Variants in AFAP1 observed in about 807,000 individuals in gnomAD.
AFAP1 encodes actin filament-associated protein 1.
AFAP1 carries 75 observed loss-of-function variants against 93.9 expected under a neutral mutation model. That is an observed-to-expected ratio of 0.80 (90% CI 0.66 to 0.97). The LOEUF is 0.97. Among genes scored for constraint, AFAP1 ranks in the 50% least tolerant of loss-of-function variants. The probability of loss-of-function intolerance (pLI) is 0.00; values close to 1 mark genes in which losing one functional copy is unlikely to be tolerated. For synonymous variants in AFAP1, 517 were observed against 430.7 expected (o/e 1.20, Z -2.48); for missense variants, 1,201 against 1,050.8 (o/e 1.14, Z -1.98).
chr4:7,846,764 T>A (rs1239502917), intron 4 of AFAP1, among the ~76,000 whole-genome samples: 1 of 152,168 alleles, frequency 6.6e-6, no homozygotes, highest in African/African-American at 2.4e-5. Context: ...CAAAGGTTTC[T>A]CACATCCACC....
At chr4:7,853,990 G>A (rs539562747) in intron 4 of AFAP1, among the ~76,000 whole-genome samples, 1 of 152,280 alleles carries the variant, frequency 6.6e-6, no homozygotes, top group African/African-American at 2.4e-5. Context: ...CAGCTCCTCA[G>A]AATAAAAATG....
intron 15 of AFAP1, 104 bp from the exon 16 acceptor site, chr4:7,773,114 G>A: frequency 6.8e-7 from 1 of 1,465,408 alleles, no homozygotes; most frequent in Non-Finnish European, 9.0e-7. Flanking sequence ...AACGTCTGAG[G>A]TCGAGCTCCC....
rs763778005 is a variant in AFAP1 at position 7,872,096 on chromosome 4, G to A, written c.-2-16C>T. ...TCTTCCATTGCTGACAACAAAAGAG[G>A]AAGAGTATTATTAGACCCAGTGATT... is the stretch of plus-strand genomic sequence containing the variant. On this transcript the variant is annotated splice_polypyrimidine_tract_variant and intron_variant, in intron 1 of 17. Transcript: ENST00000420658. 7 of 1,613,626 alleles carry A rather than the reference G, an allele frequency of 4.3e-6. No individual in the cohort carries two copies. The highest frequency in any genetic ancestry group is 5.9e-6 in the Non-Finnish European group (7 of 1,179,908).
Position 7,868,671 on chromosome 4 carries a change from A to C in AFAP1, c.176T>G (p.Leu59Arg). Residue 59 changes from leucine to arginine, a missense_variant, in exon 3 of 18, where the codon CTG becomes CGG. Leu to Arg is a moderately radical substitution (Grantham distance 102). Transcript: ENST00000420658. ...HAQKQETANS[L>R]PAPPQMPLPE... Reference sequence around the variant, plus strand: ...CAGGGGCATCTGAGGAGGGGCTGGCAGGCTGTTAGCGGTCTCCTGCTTCTG... The same window carrying C: ...CAGGGGCATCTGAGGAGGGGCTGGCCGGCTGTTAGCGGTCTCCTGCTTCTG... 1 of 1,613,516 alleles carries C rather than the reference A, an allele frequency of 6.2e-7. No individual in the cohort carries two copies. Among genetic ancestry groups the C allele is most frequent in the South Asian group, 1.1e-5 (1 of 91,058 alleles).
At chr4:7,871,828 A>G in intron 2 of AFAP1, 124 bp downstream of exon 2, 1 of 1,336,044 alleles carries the variant, frequency 7.5e-7, no homozygotes, top group Non-Finnish European at 1.0e-6. Context: ...TGAAAACTTG[A>G]TGAATAAATA....
chr4:7,848,098 A>AGG lies in AFAP1; in HGVS notation c.335-4749_335-4748insCC, dbSNP rs1282251854. 4.0e-3 allele frequency among the ~76,000 whole-genome samples: 355 copies of AGG among 89,444 alleles called. 1 individual carries two copies. The highest frequency in any genetic ancestry group is 6.8e-3 in the Non-Finnish European group (269 of 39,422). The allele number at this position is 89,444 out of a possible 152,430, so 58.7% of individuals were successfully genotyped here. ...GTGGACGGAAGGAGGGAGGGAAGGA[A>AGG]AGAAGGAAGGAAGGAAGGAAGGAAG... On this transcript the variant is annotated intron_variant, in intron 4 of 17. Coordinates refer to ENST00000420658, the MANE Select transcript of AFAP1 (RefSeq NM_001134647.2).
At chr4:7,840,267 T>TGTGTGTGTGC (rs1553844339) in intron 5 of AFAP1, among the ~76,000 whole-genome samples, 28 of 144,902 alleles carry the variant, frequency 1.9e-4, no homozygotes, top group African/African-American at 3.5e-4. Context: ...TTGGGATGTG[T>TGTGTGTGTGC]GTGTGTGTGT....
chr4:7,873,223 A>T (rs1717207023), intron 1 of AFAP1, among the ~76,000 whole-genome samples: 2 of 120,996 alleles, frequency 1.7e-5, no homozygotes, highest in South Asian at 3.2e-4. Flanking sequence ...AGCCTGGGCG[A>T]CAGTGGGAGA....
At chr4:7,925,839 CTG>C (rs1413342174) in intron 1 of AFAP1, among the ~76,000 whole-genome samples, 1 of 78,914 alleles carries the variant, frequency 1.3e-5, no homozygotes, top group Non-Finnish European at 2.4e-5. Flanking sequence ...GAGCGAAACT[CTG>C]TCTCAAAAAA....
chr4:7,917,819 C>G (rs570657174), intron 1 of AFAP1, among the ~76,000 whole-genome samples: 1 of 152,208 alleles, frequency 6.6e-6, no homozygotes, highest in Non-Finnish European at 1.5e-5. Flanking sequence ...TTTCCTCCTG[C>G]GTCTTTCACT....
intron 3 of AFAP1, among the ~76,000 whole-genome samples, chr4:7,856,403 C>A (rs768966546): frequency 6.6e-6 from 1 of 152,026 alleles, no homozygotes; most frequent in Non-Finnish European, 1.5e-5. Context: ...CCACCACACC[C>A]GGCTAATTTT....
intron 12 of AFAP1, among the ~76,000 whole-genome samples, chr4:7,785,911 T>C (rs1717213556): frequency 2.6e-5 from 4 of 152,198 alleles, no homozygotes. Flanking sequence ...CACTCCAGCC[T>C]GGGCAACAGA....
At chr4:7,775,347 A>G (rs761139367) in intron 14 of AFAP1, 17 of 154,002 alleles carry the variant, frequency 1.1e-4, no homozygotes, top group Admixed American at 1.9e-4. Context: ...GAATATTAGG[A>G]AATTCCTTTA....
intron 4 of AFAP1, among the ~76,000 whole-genome samples, chr4:7,850,231 G>A (rs777378934): frequency 1.9e-4 from 29 of 152,124 alleles, no homozygotes; most frequent in Non-Finnish European, 3.4e-4. Flanking sequence ...TAAAATGAAG[G>A]ACACAAGATA....
At chr4:7,912,803 G>C (rs1194099151) in intron 1 of AFAP1, among the ~76,000 whole-genome samples, 1 of 152,052 alleles carries the variant, frequency 6.6e-6, no homozygotes, top group Non-Finnish European at 1.5e-5. Flanking sequence ...TGAGGTATGA[G>C]GTTTAGATCA....
intron 1 of AFAP1, among the ~76,000 whole-genome samples, chr4:7,933,041 G>GT (rs1387680330): frequency 7.6e-5 from 4 of 52,514 alleles, no homozygotes; most frequent in Non-Finnish European, 2.0e-4. Flanking sequence ...AAAAAAAAAA[G>GT]GGGGGGGATC....
chr4:7,897,238 G>T (rs1380126976), intron 1 of AFAP1, among the ~76,000 whole-genome samples: 1 of 152,158 alleles, frequency 6.6e-6, no homozygotes, highest in Non-Finnish European at 1.5e-5. Flanking sequence ...AGCTGTTGAT[G>T]ATGAATTTTG....
At chr4:7,879,048 C>T (rs901207237) in intron 1 of AFAP1, among the ~76,000 whole-genome samples, 1 of 152,120 alleles carries the variant, frequency 6.6e-6, no homozygotes, top group Admixed American at 6.5e-5. Flanking sequence ...ATAGTTCTTA[C>T]ACTAAAAAAT....
At chr4:7,819,716 T>C (rs1197916477) in intron 6 of AFAP1, among the ~76,000 whole-genome samples, 3 of 152,014 alleles carry the variant, frequency 2.0e-5, no homozygotes, top group African/African-American at 7.2e-5. Context: ...GAGAACGTGG[T>C]AGGAGATGAG....
Sources: allele counts gnomAD v4.1 joint callset (sites outside exome capture counted in the v4.1 genomes callset), GRCh38; gene constraint gnomAD v4.1.1; transcripts MANE v1.5; gene names NCBI Gene and HGNC (gene_info 2026-07-23, HGNC 2026-07-21).